Variants in DCAF13 observed in about 807,000 individuals in gnomAD.
DCAF13 encodes the protein DDB1 and CUL4 associated factor 13, also known as DDB1- and CUL4-associated factor 13.
A neutral mutation model predicts 59.0 loss-of-function variants in DCAF13; 38 were observed. The observed-to-expected ratio is 0.64, with a 90% CI of 0.50 to 0.84. DCAF13 has a LOEUF of 0.84. Ranked by LOEUF, DCAF13 falls within the 40% of genes least tolerant of loss-of-function variation. The probability of loss-of-function intolerance (pLI) is 0.00; values close to 1 mark genes in which losing one functional copy is unlikely to be tolerated. For missense variants in DCAF13, 469 were observed against 558.4 expected (o/e 0.84, Z 1.61); for synonymous variants, 173 against 175.0 (o/e 0.99, Z 0.09).
intron 1 of DCAF13, among the ~76,000 whole-genome samples, chr8:103,418,417 G>T (rs1010203931): frequency 2.0e-5 from 3 of 151,982 alleles, no homozygotes; most frequent in African/African-American, 7.2e-5. Context: ...CTACTTGGGA[G>T]GCTGAGGTGA....
chr8:103,435,904 A>C lies in DCAF13; in HGVS notation c.950+114A>C, dbSNP rs191929265. On this transcript the variant is annotated intron_variant, in intron 8 of 10. Coordinates refer to ENST00000612750, the MANE Select transcript of DCAF13 (RefSeq NM_015420.7). ...CATTGTGTGAACATCATCAGAGTGCACTTAAACAAAACTAGATGGTATAAC... is the reference window on the plus strand; with the variant it reads ...CATTGTGTGAACATCATCAGAGTGCCCTTAAACAAAACTAGATGGTATAAC... 5.7e-5 allele frequency: 62 copies of C among 1,091,150 alleles called. No individual in the cohort carries two copies. The East Asian group carries it at 1.4e-3, about 25-fold the overall frequency. 67.6% of individuals were successfully genotyped at this position (1,091,150 alleles called of 1,614,324 possible). A position where few individuals can be genotyped will look rare whatever the true frequency, so the allele number is the denominator to read the frequency against.
chr8:103,424,109 C>G (rs1384187144), intron 3 of DCAF13, among the ~76,000 whole-genome samples: 1 of 152,066 alleles, frequency 6.6e-6, no homozygotes, highest in South Asian at 2.1e-4. Flanking sequence ...AGCTCTGCCT[C>G]CCGGGTTCAC....
At chr8:103,422,379 T>C (rs948915013) in intron 3 of DCAF13, among the ~76,000 whole-genome samples, 1 of 152,038 alleles carries the variant, frequency 6.6e-6, no homozygotes, top group South Asian at 2.1e-4. Context: ...TATGGCATCA[T>C]TGGGAGGAAA....
In DCAF13 at chr8:103,425,748, A is replaced by AT. The variant is rs34121596; in HGVS notation, c.379-302dup. 2.7e-4 allele frequency among the ~76,000 whole-genome samples: 41 copies of AT among 152,288 alleles called. No homozygotes were observed. In the East Asian group the frequency reaches 6.5e-3, roughly 24 times the overall value. On this transcript the variant is annotated intron_variant, in intron 3 of 10. Coordinates refer to ENST00000612750, the MANE Select transcript of DCAF13 (RefSeq NM_015420.7). ...ATGACTAACCAGATATTATAATACC[A>AT]TTTTTTATAATCCATTTTTTCTCCA... is the stretch of plus-strand genomic sequence containing the variant.
At position 103,421,325 on chromosome 8, in the gene DCAF13, T is replaced by A. The variant is rs1586126783; in HGVS notation, c.378+243T>A. On this transcript the variant is annotated intron_variant, in intron 3 of 10. Transcript: ENST00000612750. Reference sequence around the variant, plus strand: ...AAAAGTGGAATTAATGAGAGGTAAGTCTAGAAAGAGTTTGGCTTACTCTGG... The same window carrying A: ...AAAAGTGGAATTAATGAGAGGTAAGACTAGAAAGAGTTTGGCTTACTCTGG... The A allele has an allele frequency of 6.7e-6, 4 of 597,508 alleles. No individual in the cohort carries two copies. The East Asian group carries it at 1.0e-4, about 15-fold the overall frequency. The allele number at this position is 597,508 out of a possible 1,614,324, so 37.0% of individuals were successfully genotyped here. A position where few individuals can be genotyped will look rare whatever the true frequency, so the allele number is the denominator to read the frequency against.
At chr8:103,436,482 T>A (rs1816936359) in intron 8 of DCAF13, among the ~76,000 whole-genome samples, 1 of 152,200 alleles carries the variant, frequency 6.6e-6, no homozygotes, top group South Asian at 2.1e-4. Context: ...TGTAAGCACA[T>A]AGAGTGTGAT....
At chr8:103,434,944 A>G (rs1816913349) in intron 7 of DCAF13, among the ~76,000 whole-genome samples, 1 of 152,102 alleles carries the variant, frequency 6.6e-6, no homozygotes, top group Non-Finnish European at 1.5e-5. Context: ...TGATTTGGCA[A>G]CTCAAATCAA....
chr8:103,423,183 G>A (rs1167895411), intron 3 of DCAF13, among the ~76,000 whole-genome samples: 1 of 152,006 alleles, frequency 6.6e-6, no homozygotes, highest in Non-Finnish European at 1.5e-5. Flanking sequence ...TATTCTCTTG[G>A]ATATATTGAT....
intron 10 of DCAF13, 148 bp from the exon 11 acceptor site, chr8:103,442,647 C>G (rs1023887898): frequency 3.9e-6 from 2 of 511,660 alleles, no homozygotes; most frequent in Admixed American, 3.8e-5. Context: ...TTTCTTGGTA[C>G]TAGCTTCCTT....
At chr8:103,416,006 T>G (rs538649863) in intron 1 of DCAF13, among the ~76,000 whole-genome samples, 41 of 152,360 alleles carry the variant, frequency 2.7e-4, no homozygotes, top group Non-Finnish European at 5.1e-4. Context: ...AAAGAATGGT[T>G]AAATGAAATT....
intron 5 of DCAF13, chr8:103,428,958 G>A (rs1586130510): frequency 6.6e-6 from 1 of 151,838 alleles, no homozygotes; most frequent in Admixed American, 6.6e-5. Flanking sequence ...AAAAGTAAAT[G>A]GTGTGTGTGT....
chr8:103,421,763 T>G (rs1816725841), intron 3 of DCAF13, among the ~76,000 whole-genome samples: 1 of 152,250 alleles, frequency 6.6e-6, no homozygotes, highest in Admixed American at 6.5e-5. Context: ...CATAATTGTC[T>G]TCAAGGTTTA....
Position 103,425,592 on chromosome 8 carries a change from C to CT in DCAF13, c.379-461dup, listed in dbSNP as rs765828608. Among the ~76,000 whole-genome samples the CT allele has an allele frequency of 3.3e-5, 5 of 152,136 alleles. No homozygotes were observed. The South Asian group carries it at 1.0e-3, about 32-fold the overall frequency. Reference sequence around the variant, plus strand: ...TTTCTGCAGTTCATGCAGAAAAGGACTTTATCTATTTCAATATTATAACAA... The same window carrying CT: ...TTTCTGCAGTTCATGCAGAAAAGGACTTTTATCTATTTCAATATTATAACAA... On this transcript the variant is annotated intron_variant, in intron 3 of 10. Coordinates refer to ENST00000612750, the MANE Select transcript of DCAF13 (RefSeq NM_015420.7).
chr8:103,438,398 A>G (rs1344297469), intron 8 of DCAF13, among the ~76,000 whole-genome samples: 1 of 151,600 alleles, frequency 6.6e-6, no homozygotes, highest in African/African-American at 2.4e-5. Context: ...GTAAAAGACC[A>G]GTTTTGTGAG....
At position 103,423,041 on chromosome 8, in the gene DCAF13, A is replaced by G. The variant is rs935172647; in HGVS notation, c.378+1959A>G. Among the ~76,000 whole-genome samples, 5 of 152,296 alleles carry G rather than the reference A, an allele frequency of 3.3e-5. No individual in the cohort carries two copies. In the East Asian group the frequency reaches 9.6e-4, roughly 29 times the overall value. Reference sequence around the variant, plus strand: ...TTGCTGTCAAAAAGCAGAATAGGCTACCTTGCAAAGCATTCAGTTACTTTT... The same window carrying G: ...TTGCTGTCAAAAAGCAGAATAGGCTGCCTTGCAAAGCATTCAGTTACTTTT... On this transcript the variant is annotated intron_variant, in intron 3 of 10. Transcript: ENST00000612750.
intron 1 of DCAF13, among the ~76,000 whole-genome samples, chr8:103,418,318 A>G (rs1024688718): frequency 2.9e-4 from 44 of 152,018 alleles, no homozygotes; most frequent in African/African-American, 1.1e-3. Flanking sequence ...CAGGAGTTCG[A>G]GAGTAGCCTG....
At chr8:103,436,437 C>T (rs1243722679) in intron 8 of DCAF13, among the ~76,000 whole-genome samples, 1 of 152,096 alleles carries the variant, frequency 6.6e-6, no homozygotes, top group Non-Finnish European at 1.5e-5. Context: ...GATTTGAATA[C>T]TCAGCTGTCC....
In DCAF13 at chr8:103,441,490, C is replaced by T. The variant is rs540577201; in HGVS notation, c.1122C>T (p.Asn374=). 1.3e-6 allele frequency: 2 copies of T among 1,596,396 alleles called. No individual in the cohort carries two copies. The highest frequency in any genetic ancestry group is 1.7e-6 in the Non-Finnish European group (2 of 1,175,668). ...GAGAAAAAGCAGCCAAGGATTATAA[C>T]CAGAAATTGAAGGAGAAATTTCAGC... is the stretch of plus-strand genomic sequence containing the variant. The part of the protein sequence containing the change: ...TSREKAAKDY[N]QKLKEKFQHY... Residue 374 remains asparagine (N), a synonymous_variant, in exon 10 of 11, where the codon AAC becomes AAT. Transcript: ENST00000612750.
At chr8:103,434,358 C>T (rs903014210) in intron 7 of DCAF13, among the ~76,000 whole-genome samples, 4 of 152,022 alleles carry the variant, frequency 2.6e-5, no homozygotes, top group Non-Finnish European at 4.4e-5. Context: ...TTTCCATGTA[C>T]ACAAATTGAT....
Sources: allele counts gnomAD v4.1 joint callset (sites outside exome capture counted in the v4.1 genomes callset), GRCh38; gene constraint gnomAD v4.1.1; transcripts MANE v1.5; gene names NCBI Gene and HGNC (gene_info 2026-07-23, HGNC 2026-07-21).